The following CACNA2D3 variants were observed in gnomAD, a reference collection of about 807,000 sequenced individuals.
The protein encoded by CACNA2D3 is voltage-dependent calcium channel subunit alpha-2/delta-3.
Under a neutral mutation model 160.6 loss-of-function variants are expected in CACNA2D3, and 60 were observed. The observed-to-expected ratio is 0.37, with a 90% CI of 0.30 to 0.46. CACNA2D3 has a LOEUF of 0.46. Among genes scored for constraint, CACNA2D3 ranks in the 20% least tolerant of loss-of-function variants. The probability of loss-of-function intolerance (pLI) is 1.00; values close to 1 mark genes in which losing one functional copy is unlikely to be tolerated. For synonymous variants in CACNA2D3, 558 were observed against 492.9 expected, an observed-to-expected ratio of 1.13 and a Z score of -1.75; for missense variants, 1,205 against 1,365.0, an observed-to-expected ratio of 0.88 and a Z score of 1.85.
intron 25 of CACNA2D3, among the ~76,000 whole-genome samples, chr3:54,893,959 A>G (rs1352311347): frequency 1.3e-5 from 2 of 152,008 alleles, no homozygotes; most frequent in Non-Finnish European, 2.9e-5. Flanking sequence ...TATTTGTTAG[A>G]GCCTGTTTTC....
At chr3:54,623,332 G>C (rs925650510) in intron 9 of CACNA2D3, among the ~76,000 whole-genome samples, 1 of 152,214 alleles carries the variant, frequency 6.6e-6, no homozygotes, top group Non-Finnish European at 1.5e-5. Context: ...CTCATGGAAA[G>C]AGAGAGTCCT....
intron 2 of CACNA2D3, among the ~76,000 whole-genome samples, chr3:54,226,942 C>T (rs1479494114): frequency 3.3e-5 from 5 of 152,236 alleles, no homozygotes; most frequent in East Asian, 3.9e-4. Flanking sequence ...TGTTTGTCTC[C>T]TATAGTCTAG....
At chr3:54,790,008 A>G in intron 13 of CACNA2D3, 1 of 368,984 alleles carries the variant, frequency 2.7e-6, no homozygotes, top group Non-Finnish European at 5.5e-6. Flanking sequence ...TATAATGAGG[A>G]ATGATTTCAC....
At chr3:54,849,917 CT>C (rs1699020028) in intron 17 of CACNA2D3, among the ~76,000 whole-genome samples, 2 of 152,214 alleles carry the variant, frequency 1.3e-5, no homozygotes, top group Admixed American at 6.5e-5. Flanking sequence ...CCTATAAAAT[CT>C]TTCCCCTGAA....
intron 4 of CACNA2D3, among the ~76,000 whole-genome samples, chr3:54,431,830 A>G (rs989749108): frequency 2.0e-5 from 3 of 151,768 alleles, no homozygotes; most frequent in Non-Finnish European, 4.4e-5. Flanking sequence ...ATGGTCTCGA[A>G]CTCCTGTCCT....
chr3:54,198,926 T>C (rs899706717), intron 2 of CACNA2D3, among the ~76,000 whole-genome samples: 2 of 152,266 alleles, frequency 1.3e-5, no homozygotes, highest in Non-Finnish European at 2.9e-5. Context: ...CCTTAACGTT[T>C]GTTGTGGAAA....
At chr3:54,579,578 C>T (rs1034251317) in intron 8 of CACNA2D3, among the ~76,000 whole-genome samples, 3 of 152,192 alleles carry the variant, frequency 2.0e-5, no homozygotes, top group Admixed American at 6.5e-5. Flanking sequence ...TGTCCAACAA[C>T]GGGGAACTGG....
chr3:54,864,929 C>T (rs1699366796), intron 17 of CACNA2D3, among the ~76,000 whole-genome samples: 1 of 152,188 alleles, frequency 6.6e-6, no homozygotes, highest in Non-Finnish European at 1.5e-5. Context: ...ATCTCTGAAG[C>T]AGTTATCCCT....
intron 13 of CACNA2D3, among the ~76,000 whole-genome samples, chr3:54,782,701 G>T (rs1288868667): frequency 2.7e-5 from 4 of 146,540 alleles, no homozygotes; most frequent in Non-Finnish European, 6.0e-5. Context: ...TTGAGAAAAA[G>T]AAAAAAAAAA....
At chr3:54,646,126 TCTTCCTTCCTTCCTTCCTTC>T (rs375699594) in intron 11 of CACNA2D3, among the ~76,000 whole-genome samples, 17,053 of 60,052 alleles carry the variant, frequency 0.28, 3,311 homozygotes, top group Non-Finnish European at 0.36. Context: ...TTCCTTCCTT[TCTTCCTTCCTTCCTTCCTTC>T]CTTCCCTCCC....
chr3:54,794,080 G>C (rs1314982615), intron 13 of CACNA2D3, among the ~76,000 whole-genome samples: 3 of 151,914 alleles, frequency 2.0e-5, no homozygotes, highest in African/African-American at 7.3e-5. Context: ...CTCTTTCCTT[G>C]ATATATAAGA....
intron 10 of CACNA2D3, chr3:54,634,454 T>A (rs1699317319): frequency 6.6e-6 from 1 of 152,266 alleles, no homozygotes; most frequent in East Asian, 1.9e-4. Flanking sequence ...GTAGTTTACT[T>A]ATTTACCTTG....
At chr3:54,276,675 G>A (rs1702747944) in intron 2 of CACNA2D3, among the ~76,000 whole-genome samples, 1 of 152,126 alleles carries the variant, frequency 6.6e-6, no homozygotes, top group African/African-American at 2.4e-5. Flanking sequence ...GGGAAAAGAG[G>A]AATTAGGGAG....
chr3:54,389,065 G>A (rs1699236820), intron 4 of CACNA2D3, among the ~76,000 whole-genome samples: 1 of 152,172 alleles, frequency 6.6e-6, no homozygotes, highest in African/African-American at 2.4e-5. Context: ...AGCACGTTGG[G>A]AGGCCAAGGC....
intron 2 of CACNA2D3, among the ~76,000 whole-genome samples, chr3:54,256,788 G>A (rs1575348539): frequency 6.7e-6 from 1 of 148,708 alleles, no homozygotes; most frequent in Admixed American, 6.7e-5. Flanking sequence ...CACTGTAAGA[G>A]CAGCCTCTAC....
chr3:54,780,671 C>T (rs1291123100), intron 13 of CACNA2D3, among the ~76,000 whole-genome samples: 3 of 152,188 alleles, frequency 2.0e-5, no homozygotes, highest in African/African-American at 7.2e-5. Flanking sequence ...TTATTCAGGC[C>T]AAGCTAATTG....
At chr3:54,681,725 C>A (rs2106915436) in intron 11 of CACNA2D3, among the ~76,000 whole-genome samples, 1 of 152,124 alleles carries the variant, frequency 6.6e-6, no homozygotes, top group Non-Finnish European at 1.5e-5. Context: ...GCTTTGTCAC[C>A]CAGGCTGGTG....
At chr3:54,211,971 T>G (rs1240349230) in intron 2 of CACNA2D3, among the ~76,000 whole-genome samples, 2 of 152,134 alleles carry the variant, frequency 1.3e-5, no homozygotes, top group Non-Finnish European at 2.9e-5. Context: ...CTAGTAAGAC[T>G]GCAGAGAAGG....
chr3:54,271,340 A>T (rs1487016277), intron 2 of CACNA2D3, among the ~76,000 whole-genome samples: 1 of 152,122 alleles, frequency 6.6e-6, no homozygotes, highest in Non-Finnish European at 1.5e-5. Context: ...GCCTGGATGC[A>T]GTCCTAGAAT....
Sources: gnomAD v4.1 joint callset for allele counts (sites outside exome capture counted in the v4.1 genomes callset) on GRCh38, gnomAD v4.1.1 for gene constraint, MANE v1.5 for transcripts, NCBI Gene and HGNC (gene_info 2026-07-23, HGNC 2026-07-21) for gene names.